The following IZUMO2 variants were observed in gnomAD, a reference collection of about 807,000 sequenced individuals.
IZUMO2 encodes the protein IZUMO family member 2.
A neutral mutation model predicts 31.2 loss-of-function variants in IZUMO2; 24 were observed. The ratio of observed to expected loss-of-function variants is 0.77; its 90% CI spans 0.56 to 1.08. The LOEUF is 1.08. IZUMO2 is among the 50% of genes least tolerant of loss of function. The pLI, the probability that IZUMO2 is intolerant of heterozygous loss-of-function variation, is 0.00. For missense variants in IZUMO2, 278 were observed against 274.0 expected, an observed-to-expected ratio of 1.01 and a Z score of -0.10; for synonymous variants, 144 against 117.3, an observed-to-expected ratio of 1.23 and a Z score of -1.47.
At chr19:50,153,934 G>C (rs1473371814) in intron 6 of IZUMO2, 5 of 147,812 alleles carry the variant, frequency 3.4e-5, no homozygotes, top group African/African-American at 1.2e-4. Flanking sequence ...AGATTAATTG[G>C]GTACTTGGAG....
rs775444688 is a variant in IZUMO2, at chr19:50,154,737, T to TG, written c.497-12dup. The TG allele has an allele frequency of 2.5e-6, 4 of 1,612,548 alleles. No homozygotes were observed. Among genetic ancestry groups the TG allele is most frequent in the Non-Finnish European group, 3.4e-6 (4 of 1,179,578 alleles). ...GGGGTTGCCGGTCGACTGGGGCGGG[T>TG]GGGGAAACAGCCCCGACCTCCACGT... On this transcript the variant is annotated splice_polypyrimidine_tract_variant and intron_variant, in intron 5 of 6. Transcript: ENST00000293405.
chr19:50,162,450 A>G (rs1391509441), intron 2 of IZUMO2, among the ~76,000 whole-genome samples: 1 of 151,936 alleles, frequency 6.6e-6, no homozygotes, highest in Non-Finnish European at 1.5e-5. Flanking sequence ...TCTACAAAAA[A>G]TTAAAAAGTA....
At chr19:50,157,063 T>C (rs1260802192) in intron 5 of IZUMO2, among the ~76,000 whole-genome samples, 2 of 152,184 alleles carry the variant, frequency 1.3e-5, no homozygotes. Flanking sequence ...TCTTTTAAGA[T>C]ACTATGGCAA....
chr19:50,154,812 C>A, intron 5 of IZUMO2, 86 bp from the exon 6 acceptor site: 1 of 1,513,934 alleles, frequency 6.6e-7, no homozygotes, highest in South Asian at 1.2e-5. Context: ...ATTCAGCAGC[C>A]TGGGGCAGGG....
intron 5 of IZUMO2, among the ~76,000 whole-genome samples, chr19:50,156,070 C>T (rs1029490128): frequency 6.6e-6 from 1 of 152,122 alleles, no homozygotes; most frequent in Admixed American, 6.5e-5. Flanking sequence ...TCTAAAGTAG[C>T]AGCCTCCCCC....
At position 50,162,820 on chromosome 19, in the gene IZUMO2, G is replaced by A; in HGVS notation, c.233-7C>T. 6.2e-7 allele frequency: 1 copy of A among 1,613,244 alleles called. No homozygotes were observed. Among genetic ancestry groups the A allele is most frequent in the Non-Finnish European group, 8.5e-7 (1 of 1,179,688 alleles). ...AGGTCCAGTTGATTTGTCTCTGGGG[G>A]GAGAAGGGAGAGGACACTCCAGTGA... On this transcript the variant is annotated splice_region_variant and splice_polypyrimidine_tract_variant and intron_variant, in intron 1 of 6. Transcript: ENST00000293405.
Position 50,162,722 on chromosome 19 carries a change from T to G in IZUMO2, c.307+17A>C. On this transcript the variant is annotated intron_variant, in intron 2 of 6. Coordinates refer to ENST00000293405, the MANE Select transcript of IZUMO2 (RefSeq NM_152358.3). Reference sequence around the variant, plus strand: ...AGAAGAGGGGTGCTGGAGAAGGCGTTCCCTCGTCTCTCCTACCTTTCAGAG... The same window carrying G: ...AGAAGAGGGGTGCTGGAGAAGGCGTGCCCTCGTCTCTCCTACCTTTCAGAG... The G allele has an allele frequency of 1.2e-6, 2 of 1,606,410 alleles. No individual in the cohort carries two copies. The highest frequency in any genetic ancestry group is 2.2e-5 in the South Asian group (2 of 90,922).
chr19:50,157,996 G>A (rs1214466709), intron 5 of IZUMO2, among the ~76,000 whole-genome samples: 2 of 151,856 alleles, frequency 1.3e-5, no homozygotes, highest in African/African-American at 4.8e-5. Flanking sequence ...AATTCCCCAG[G>A]TATAGCAATG....
In IZUMO2 at chr19:50,161,126, C is replaced by CTT. The variant is rs398040395; in HGVS notation, c.308-1548_308-1547dup. 2.2e-4 allele frequency among the ~76,000 whole-genome samples: 31 copies of CTT among 139,674 alleles called. No homozygotes were observed. In the South Asian group the frequency reaches 3.0e-3, roughly 13 times the overall value. 91.6% of individuals were successfully genotyped at this position (139,674 alleles called of 152,430 possible). On this transcript the variant is annotated intron_variant, in intron 2 of 6. Coordinates refer to ENST00000293405, the MANE Select transcript of IZUMO2 (RefSeq NM_152358.3). ...TTGACGCCTTTTTCTTTTCCTTTTT[C>CTT]TTTTTTTTTTTTTTTGAGACGTAGT...
At chr19:50,159,430 G>T in intron 3 of IZUMO2, 64 bp downstream of exon 3, 5 of 1,327,468 alleles carry the variant, frequency 3.8e-6, no homozygotes. Context: ...AGAAAAAGTG[G>T]TAAAAGGGGA....
intron 2 of IZUMO2, among the ~76,000 whole-genome samples, chr19:50,161,202 G>A (rs938275832): frequency 2.0e-5 from 3 of 148,084 alleles, no homozygotes; most frequent in African/African-American, 5.0e-5. Flanking sequence ...TCAGCTCACC[G>A]CAACCTCCGC....
Position 50,161,034 on chromosome 19 carries a change from A to G in IZUMO2, c.308-1454T>C, listed in dbSNP as rs115373878. ...CCTCCAGACCTACTCCCAACCTCCC[A>G]GTCTACTCCATCTTAGTAAATAGAT... On this transcript the variant is annotated intron_variant, in intron 2 of 6. Coordinates refer to ENST00000293405, the MANE Select transcript of IZUMO2 (RefSeq NM_152358.3). Among the ~76,000 whole-genome samples the G allele has an allele frequency of 3.6e-3, 548 of 152,074 alleles. 4 individuals carry two copies. Among genetic ancestry groups the G allele is most frequent in the African/African-American group, 0.013 (531 of 41,476 alleles).
In IZUMO2 at chr19:50,163,163, G is replaced by GA. The variant is rs2030468146; in HGVS notation, c.31dup (p.Ser11PhefsTer89). The GA allele has an allele frequency of 6.4e-7, 1 of 1,560,680 alleles. No individual in the cohort carries two copies. Among genetic ancestry groups the GA allele is most frequent in the Non-Finnish European group, 8.7e-7 (1 of 1,153,610 alleles). ...CCAGCCTCCGGGGGCGCCCAAGCCC[G>GA]AGAGCAGCAGAAGGGTCAAAGCCAG... On this transcript the variant is annotated frameshift_variant, in exon 1 of 7. Transcript: ENST00000293405. LOFTEE classifies it high-confidence loss of function.
intron 5 of IZUMO2, among the ~76,000 whole-genome samples, chr19:50,155,427 C>A (rs1014229180): frequency 1.3e-5 from 2 of 152,166 alleles, no homozygotes; most frequent in Non-Finnish European, 2.9e-5. Flanking sequence ...AAACCAGAGA[C>A]ACCATGCACA....
chr19:50,159,684 T>C (rs1359932780), intron 2 of IZUMO2, 104 bp from the exon 3 acceptor site: 1 of 721,540 alleles, frequency 1.4e-6, no homozygotes, highest in Non-Finnish European at 2.5e-6. Flanking sequence ...TCTTCATTTA[T>C]AAAGGGTAAC....
chr19:50,154,346 G>A (rs1568436813), intron 6 of IZUMO2, among the ~76,000 whole-genome samples: 7 of 129,866 alleles, frequency 5.4e-5, no homozygotes, highest in Admixed American at 3.4e-4. Context: ...ACCCGGGAAA[G>A]TTGTAATGTG....
intron 5 of IZUMO2, among the ~76,000 whole-genome samples, chr19:50,156,757 TA>T (rs370488486): frequency 6.6e-6 from 1 of 151,684 alleles, no homozygotes; most frequent in Non-Finnish European, 1.5e-5. Flanking sequence ...AGAATCAGTC[TA>T]AAAAAACAAA....
At chr19:50,155,650 G>A (rs2030189427) in intron 5 of IZUMO2, among the ~76,000 whole-genome samples, 1 of 152,026 alleles carries the variant, frequency 6.6e-6, no homozygotes, top group Non-Finnish European at 1.5e-5. Flanking sequence ...TACCAAGCAG[G>A]TCCAACCCCA....
At chr19:50,162,631 A>T (rs1396832915) in intron 2 of IZUMO2, 108 bp downstream of exon 2, 9 of 903,202 alleles carry the variant, frequency 1.0e-5, no homozygotes, top group South Asian at 1.5e-5. Context: ...GAAAAAAAAA[A>T]GGCTACATTG....
Sources: allele counts gnomAD v4.1 joint callset (sites outside exome capture counted in the v4.1 genomes callset), GRCh38; gene constraint gnomAD v4.1.1; transcripts MANE v1.5; gene names NCBI Gene and HGNC (gene_info 2026-07-23, HGNC 2026-07-21).